Variants in PCDHGA10 observed in about 807,000 individuals in gnomAD.
PCDHGA10 encodes protocadherin gamma-A10.
PCDHGA10 carries 42 observed loss-of-function variants against 59.5 expected under a neutral mutation model. The observed-to-expected ratio is 0.71, with a 90% CI of 0.55 to 0.91. The LOEUF is 0.91. Among genes scored for constraint, PCDHGA10 ranks in the 40% least tolerant of loss-of-function variants. PCDHGA10 has a pLI of 0.00. For synonymous variants in PCDHGA10, 511 were observed against 517.2 expected (o/e 0.99, Z 0.16); for missense variants, 1,111 against 1,198.2 (o/e 0.93, Z 1.07).
chr5:141,505,450 G>T lies in PCDHGA10; in HGVS notation c.2553G>T (p.Met851Ile). Residue 851 changes from methionine (M) to isoleucine (I), a missense_variant, in exon 3 of 4, where the codon ATG becomes ATT. By Grantham distance (10) the Met-to-Ile change is conservative (BLOSUM62 1). Coordinates refer to ENST00000398610, the MANE Select transcript of PCDHGA10 (RefSeq NM_018913.3). ...TWPNNQFDTE[M>I]LQAMILASAS... ...CCAACAACCAGTTTGACACAGAGAT[G>T]CTGCAAGCCATGATCTTGGCGTCCG... 6.2e-7 allele frequency: 1 copy of T among 1,614,194 alleles called. No homozygotes were observed. The highest frequency in any genetic ancestry group is 8.5e-7 in the Non-Finnish European group (1 of 1,180,012).
In PCDHGA10 at chr5:141,489,185, T is replaced by G; in HGVS notation, c.2437-5622T>G. The G allele has an allele frequency of 7.8e-7, 1 of 1,286,838 alleles. No individual in the cohort carries two copies. The highest frequency in any genetic ancestry group is 1.5e-5 in the African/African-American group (1 of 67,216). 79.7% of individuals were successfully genotyped at this position (1,286,838 alleles called of 1,614,324 possible). On this transcript the variant is annotated intron_variant, in intron 1 of 3. Transcript: ENST00000398610. The surrounding 1 kb of genome is among the most constrained non-coding windows in gnomAD (Gnocchi z 4.5). The stretch of plus-strand genomic sequence containing the variant: ...CAGCTGCTGCATTCCAAGCCCTGGG[T>G]CTACCTTGGAGACAGGACAGCACAG...
intron 1 of PCDHGA10, chr5:141,441,955 A>G: frequency 3.1e-6 from 1 of 320,028 alleles, no homozygotes; most frequent in Non-Finnish European, 6.0e-6. Context: ...GCAGGCCAGC[A>G]AGCCCAGGCT....
Position 141,490,140 on chromosome 5 carries a change from G to T in PCDHGA10, c.2437-4667G>T. On this transcript the variant is annotated intron_variant, in intron 1 of 3. Transcript: ENST00000398610. This position sits in a 1 kb window ranked among gnomAD's most constrained non-coding sequence, Gnocchi z 5.4. Reference sequence around the variant, plus strand: ...TCTTTGGCCTAGACCCTAGCAGTGGGGCAATCCATGTGTTGGGTCCCATAG... The same window carrying T: ...TCTTTGGCCTAGACCCTAGCAGTGGTGCAATCCATGTGTTGGGTCCCATAG... 1 of 1,614,206 alleles carries T rather than the reference G, an allele frequency of 6.2e-7. No homozygotes were observed. The highest frequency in any genetic ancestry group is 8.5e-7 in the Non-Finnish European group (1 of 1,180,026).
At chr5:141,510,862 C>T (rs764422869) in intron 3 of PCDHGA10, 85 bp from the exon 4 acceptor site, 22 of 1,606,772 alleles carry the variant, frequency 1.4e-5, no homozygotes, top group Non-Finnish European at 1.7e-5. Flanking sequence ...GCTGTATAGG[C>T]ATTCATTAAC....
chr5:141,432,949 C>A lies in PCDHGA10; in HGVS notation c.2436+17338C>A, dbSNP rs764998032. ...CACGCCTGCTGCAGGCTTCAGGAGG[C>A]GGCTTGACAGGAGCGCCGGCGTCGC... On this transcript the variant is annotated intron_variant, in intron 1 of 3. Transcript: ENST00000398610. This position sits in a 1 kb window ranked among gnomAD's most constrained non-coding sequence, Gnocchi z 6.0. The A allele has an allele frequency of 1.9e-6, 3 of 1,614,184 alleles. No homozygotes were observed. The highest frequency in any genetic ancestry group is 2.5e-6 in the Non-Finnish European group (3 of 1,180,040).
chr5:141,488,292 G>A (rs961688781), intron 1 of PCDHGA10, among the ~76,000 whole-genome samples: 1 of 152,216 alleles, frequency 6.6e-6, no homozygotes, highest in African/African-American at 2.4e-5. Flanking sequence ...AAAACAGTAA[G>A]TGAAATCACT....
chr5:141,449,588 CAA>C (rs768743917), intron 1 of PCDHGA10, among the ~76,000 whole-genome samples: 5 of 57,502 alleles, frequency 8.7e-5, no homozygotes, highest in Admixed American at 1.8e-4. Flanking sequence ...GACTCTGTCT[CAA>C]AAAAAAAAAA....
intron 3 of PCDHGA10, among the ~76,000 whole-genome samples, chr5:141,510,511 T>C (rs2099881465): frequency 6.6e-6 from 1 of 152,142 alleles, no homozygotes; most frequent in Non-Finnish European, 1.5e-5. Context: ...TGAGAGCCCG[T>C]GTCACAGCCC....
In PCDHGA10 at chr5:141,427,233, G is replaced by A. The variant is rs147039909; in HGVS notation, c.2436+11622G>A. On this transcript the variant is annotated intron_variant, in intron 1 of 3. Transcript: ENST00000398610. Reference sequence around the variant, plus strand: ...ATTTCGTAGCAGTTATACCATGAGAGTAGAAGCTAAGGATGGTGGAGGCAT... The same window carrying A: ...ATTTCGTAGCAGTTATACCATGAGAATAGAAGCTAAGGATGGTGGAGGCAT... 180 of 456,756 alleles carry A rather than the reference G, an allele frequency of 3.9e-4. 1 individual carries two copies. The highest frequency in any genetic ancestry group is 3.5e-3 in the African/African-American group (176 of 50,196). The allele number at this position is 456,756 out of a possible 1,614,324, so 28.3% of individuals were successfully genotyped here.
chr5:141,509,421 A>T (rs939726886), intron 3 of PCDHGA10, among the ~76,000 whole-genome samples: 5 of 152,088 alleles, frequency 3.3e-5, no homozygotes, highest in Non-Finnish European at 1.5e-5. Context: ...AGCCCCAATG[A>T]GTCAAACTCT....
chr5:141,510,083 G>A (rs2099879432), intron 3 of PCDHGA10, among the ~76,000 whole-genome samples: 1 of 152,104 alleles, frequency 6.6e-6, no homozygotes, highest in Non-Finnish European at 1.5e-5. Flanking sequence ...CAGAGTGCCT[G>A]GCACACAGTA....
intron 3 of PCDHGA10, among the ~76,000 whole-genome samples, chr5:141,509,347 C>A (rs755234053): frequency 2.6e-5 from 4 of 152,142 alleles, no homozygotes; most frequent in Non-Finnish European, 5.9e-5. Context: ...CCTGGGCTGG[C>A]CTGGGCATCC....
intron 1 of PCDHGA10, chr5:141,420,985 C>T (rs1371634966): frequency 4.1e-6 from 2 of 487,950 alleles, no homozygotes; most frequent in African/African-American, 4.0e-5. Flanking sequence ...GGGCTCTAGG[C>T]GCCGCTGCTC....
chr5:141,450,931 T>G (rs571428678), intron 1 of PCDHGA10, among the ~76,000 whole-genome samples: 2 of 151,650 alleles, frequency 1.3e-5, no homozygotes, highest in African/African-American at 4.8e-5. Flanking sequence ...TTCAAGCAAT[T>G]CTCCTACCTC....
intron 3 of PCDHGA10, among the ~76,000 whole-genome samples, chr5:141,505,875 T>C (rs991981462): frequency 2.6e-4 from 40 of 152,140 alleles, no homozygotes; most frequent in African/African-American, 9.2e-4. Flanking sequence ...AAAGGGTTGT[T>C]GTAGAGATTA....
Position 141,476,351 on chromosome 5 carries a change from G to C in PCDHGA10, c.2437-18456G>C. On this transcript the variant is annotated intron_variant, in intron 1 of 3. Transcript: ENST00000398610. This position sits in a 1 kb window ranked among gnomAD's most constrained non-coding sequence, Gnocchi z 7.6. ...TGGAGCTAGCCGAAGATTCTTTGAG[G>C]TGAACCGGGAGACCGGAGAGATGTT... 3 of 1,614,182 alleles carry C rather than the reference G, an allele frequency of 1.9e-6. No homozygotes were observed. Among genetic ancestry groups the C allele is most frequent in the Non-Finnish European group, 2.5e-6 (3 of 1,180,046 alleles).
chr5:141,477,475 C>A lies in PCDHGA10; in HGVS notation c.2437-17332C>A. ...TTCAAGTGTCCGACATCAATGACAA[C>A]CCTCCACAATCTTCTCAATCTTCCT... On this transcript the variant is annotated intron_variant, in intron 1 of 3. Coordinates refer to ENST00000398610, the MANE Select transcript of PCDHGA10 (RefSeq NM_018913.3). The surrounding 1 kb of genome is among the most constrained non-coding windows in gnomAD (Gnocchi z 4.9). The A allele has an allele frequency of 3.1e-6, 5 of 1,614,124 alleles. No homozygotes were observed. The highest frequency in any genetic ancestry group is 4.2e-6 in the Non-Finnish European group (5 of 1,180,030).
Position 141,491,913 on chromosome 5 carries a change from T to C in PCDHGA10, c.2437-2894T>C, listed in dbSNP as rs2099735120. 2.1e-6 allele frequency: 3 copies of C among 1,398,206 alleles called. No homozygotes were observed. Among genetic ancestry groups the C allele is most frequent in the Non-Finnish European group, 2.9e-6 (3 of 1,051,918 alleles). The allele number at this position is 1,398,206 out of a possible 1,614,324, so 86.6% of individuals were successfully genotyped here. On this transcript the variant is annotated intron_variant, in intron 1 of 3. Coordinates refer to ENST00000398610, the MANE Select transcript of PCDHGA10 (RefSeq NM_018913.3). The surrounding 1 kb of genome is among the most constrained non-coding windows in gnomAD (Gnocchi z 6.9). ...TCCGAGCACCGGGGGTGGTGGCGAC[T>C]GTGGGCGAGGGGAGGTGGGACCGAC... is the stretch of plus-strand genomic sequence containing the variant.
chr5:141,414,396 A>G lies in PCDHGA10; in HGVS notation c.1221A>G (p.Arg407=). 1 of 1,613,884 alleles carries G rather than the reference A, an allele frequency of 6.2e-7. No homozygotes were observed. Among genetic ancestry groups the G allele is most frequent in the Non-Finnish European group, 8.5e-7 (1 of 1,179,892 alleles). Residue 407 remains arginine (R), a synonymous_variant, in exon 1 of 4, where the codon AGA becomes AGG. Transcript: ENST00000398610. Reference sequence around the variant, plus strand: ...AAAAGTCCATTGACAGTTATTACAGATTGGTGATACACAGAGCCCTTGACA... The same window carrying G: ...AAAAGTCCATTGACAGTTATTACAGGTTGGTGATACACAGAGCCCTTGACA... The part of the protein sequence containing the change: ...KLEKSIDSYY[R]LVIHRALDRE...
Sources: gnomAD v4.1 joint callset for allele counts (sites outside exome capture counted in the v4.1 genomes callset) on GRCh38, gnomAD v4.1.1 for gene constraint, Gnocchi (gnomAD v3.1) non-coding constraint, MANE v1.5 for transcripts, NCBI Gene and HGNC (gene_info 2026-07-23, HGNC 2026-07-21) for gene names.